HEXB: variants seen among roughly 807,000 people sequenced by gnomAD.
The protein encoded by HEXB is beta-hexosaminidase subunit beta.
Under a neutral mutation model 71.2 loss-of-function variants are expected in HEXB, and 51 were observed. The ratio of observed to expected loss-of-function variants is 0.72; its 90% CI spans 0.57 to 0.90. The LOEUF is 0.90. HEXB is among the 40% of genes least tolerant of loss of function. The pLI is 0.00. For synonymous variants in HEXB, 266 were observed against 249.3 expected, an observed-to-expected ratio of 1.07 and a Z score of -0.63; for missense variants, 617 against 677.0, an observed-to-expected ratio of 0.91 and a Z score of 0.98.
At chr5:74,716,836 G>C in intron 9 of HEXB, 163 bp downstream of exon 9, 1 of 540,808 alleles carries the variant, frequency 1.8e-6, no homozygotes, top group Non-Finnish European at 3.4e-6. Context: ...TCAGTAACAT[G>C]GTGACTCCAA....
At chr5:74,703,943 T>C (rs1418037286) in intron 5 of HEXB, among the ~76,000 whole-genome samples, 1 of 152,204 alleles carries the variant, frequency 6.6e-6, no homozygotes, top group Non-Finnish European at 1.5e-5. Flanking sequence ...CCTTCCAAAG[T>C]ACTGGGGTTA....
At chr5:74,650,782 T>C (rs112072616) in intron 1 of HEXB, among the ~76,000 whole-genome samples, 26,383 of 151,032 alleles carry the variant, frequency 0.17, 3,244 homozygotes, top group African/African-American at 0.35. Context: ...AAAAATTAGC[T>C]GGGCGTGGTG....
rs762821794 is a variant in HEXB at position 74,697,048 on chromosome 5, G to A, written c.611G>A (p.Gly204Glu). The A allele has an allele frequency of 2.5e-6, 4 of 1,586,448 alleles. No homozygotes were observed. The highest frequency in any genetic ancestry group is 1.1e-5 in the South Asian group (1 of 90,638). ...GATTCTCCAAGGTTTTCTCACAGAG[G>A]AATTTTGATTGATACATCCAGACAT... ...IIDSPRFSHR[G>E]ILIDTSRHYL... Residue 204 changes from glycine to glutamate, a missense_variant, in exon 5 of 14, where the codon GGA becomes GAA. Transcript: ENST00000261416.
intron 3 of HEXB, among the ~76,000 whole-genome samples, chr5:74,694,534 C>T (rs1048777716): frequency 1.3e-5 from 2 of 152,122 alleles, no homozygotes; most frequent in Admixed American, 6.5e-5. Flanking sequence ...CAAAGTTTGA[C>T]CTCAGGACAT....
chr5:74,645,561 C>T (rs1747987997), intron 1 of HEXB, among the ~76,000 whole-genome samples: 1 of 152,202 alleles, frequency 6.6e-6, no homozygotes, highest in African/African-American at 2.4e-5. Context: ...ATTCATTCTT[C>T]CTTTGAGACT....
At chr5:74,713,226 G>A (rs1469302908) in intron 6 of HEXB, among the ~76,000 whole-genome samples, 1 of 152,164 alleles carries the variant, frequency 6.6e-6, no homozygotes, top group Non-Finnish European at 1.5e-5. Flanking sequence ...AGAATTTATT[G>A]CTAAAATATG....
At chr5:74,695,691 A>G (rs1749097217) in intron 3 of HEXB, among the ~76,000 whole-genome samples, 1 of 151,374 alleles carries the variant, frequency 6.6e-6, no homozygotes, top group South Asian at 2.1e-4. Context: ...AAATACAAAA[A>G]TTAGCCGGGC....
rs1749816094 is a variant in HEXB, at chr5:74,720,736, C to A, written c.1602C>A (p.Cys534Ter). 1 of 1,612,970 alleles carries A rather than the reference C, an allele frequency of 6.2e-7. No individual in the cohort carries two copies. Among genetic ancestry groups the A allele is most frequent in the Middle Eastern group, 1.7e-4 (1 of 6,058 alleles). Residue 534 changes from cysteine (C) to a stop codon, truncating the protein, a stop_gained, in exon 13 of 14, where the codon TGC (cysteine) becomes TGA (stop). Transcript: ENST00000261416. LOFTEE classifies it low-confidence loss of function (END_TRUNC). ...DAYDRLTRHR[C>*]RMVERGIAAQ... The stretch of plus-strand genomic sequence containing the variant: ...ATGACAGACTGACAAGGCACCGCTG[C>A]AGGATGGTCGAGTAAGAAATCTATT...
chr5:74,686,332 G>A (rs1413853654), intron 1 of HEXB, among the ~76,000 whole-genome samples: 3 of 152,108 alleles, frequency 2.0e-5, no homozygotes, highest in South Asian at 2.1e-4. Flanking sequence ...GTTTGAAGAC[G>A]CCACACACTG....
chr5:74,715,310 T>C (rs978869627), intron 7 of HEXB, among the ~76,000 whole-genome samples, 200 bp from the exon 8 acceptor site: 22 of 152,174 alleles, frequency 1.4e-4, no homozygotes, highest in Middle Eastern at 3.4e-3. Context: ...TCAGATATAA[T>C]GGGAAACAAA....
chr5:74,668,260 T>TG (rs1748471694), intron 1 of HEXB, among the ~76,000 whole-genome samples: 1 of 141,332 alleles, frequency 7.1e-6, no homozygotes, highest in East Asian at 2.0e-4. Flanking sequence ...GTGTGTGTGT[T>TG]TCTCAGCACC....
chr5:74,660,878 C>T (rs1748305264), intron 1 of HEXB, among the ~76,000 whole-genome samples: 1 of 152,088 alleles, frequency 6.6e-6, no homozygotes, highest in Admixed American at 6.6e-5. Context: ...CAACTACAGA[C>T]AAGTAAGAAA....
Position 74,652,894 on chromosome 5 carries a change from T to C in HEXB, c.-377+12336T>C, listed in dbSNP as rs1748147063. Among the ~76,000 whole-genome samples, 2 of 152,212 alleles carry C rather than the reference T, an allele frequency of 1.3e-5. No individual in the cohort carries two copies. The highest frequency in any genetic ancestry group is 1.9e-4 in the East Asian group (1 of 5,196). The stretch of plus-strand genomic sequence containing the variant: ...CTTGGGCGACTACACACATCTACGC[T>C]AGTGACACATATCCCTTTATATACC... On this transcript the variant is annotated intron_variant, in intron 1 of 13. Transcript: ENST00000511181. This position sits in a 1 kb window ranked among gnomAD's most constrained non-coding sequence, Gnocchi z 5.4.
At chr5:74,693,080 G>C (rs573428338) in intron 2 of HEXB, among the ~76,000 whole-genome samples, 1 of 152,324 alleles carries the variant, frequency 6.6e-6, no homozygotes, top group East Asian at 1.9e-4. Flanking sequence ...TCTTAAGGCA[G>C]ATTTGGATGA....
At chr5:74,651,496 G>A (rs950229303) in intron 1 of HEXB, among the ~76,000 whole-genome samples, 3 of 152,056 alleles carry the variant, frequency 2.0e-5, no homozygotes, top group Non-Finnish European at 4.4e-5. Flanking sequence ...TTTTCACCTT[G>A]GACTAACCCC....
intron 5 of HEXB, among the ~76,000 whole-genome samples, chr5:74,700,462 A>AT (rs914387851): frequency 2.6e-5 from 4 of 151,718 alleles, no homozygotes; most frequent in Non-Finnish European, 5.9e-5. Flanking sequence ...ATTAATTTAA[A>AT]TTTTTTATAT....
At chr5:74,656,480 AAAAATAAAATAAAATAAAAT>A (rs369978790) in intron 1 of HEXB, among the ~76,000 whole-genome samples, 28 of 145,694 alleles carry the variant, frequency 1.9e-4, no homozygotes, top group East Asian at 4.1e-4. Context: ...CTCTGTCTCA[AAAAATAAAATAAAATAAAAT>A]AAAATAAAAT....
rs112218826 is a variant in HEXB at position 74,643,000 on chromosome 5, G to A, written c.-377+2442G>A. ...CGTATACATTCGCTTCATCTGCCTCGGGGAGATAAGCAATACAAGAGAAAA... is the reference window on the plus strand; with the variant it reads ...CGTATACATTCGCTTCATCTGCCTCAGGGAGATAAGCAATACAAGAGAAAA... On this transcript the variant is annotated intron_variant, in intron 1 of 13. Transcript: ENST00000511181. 3.5e-3 allele frequency among the ~76,000 whole-genome samples: 533 copies of A among 152,218 alleles called. 4 individuals are homozygous for A. Among genetic ancestry groups the A allele is most frequent in the African/African-American group, 0.012 (499 of 41,514 alleles).
chr5:74,652,791 C>T lies in HEXB; in HGVS notation c.-377+12233C>T, dbSNP rs140837944. On this transcript the variant is annotated intron_variant, in intron 1 of 13. Coordinates refer to the HEXB transcript ENST00000511181. This position sits in a 1 kb window ranked among gnomAD's most constrained non-coding sequence, Gnocchi z 5.4. ...GATAACCATCACCCTCTCTGAGCTC[C>T]AATAAGGTGGCTACTCAGTCTTGTC... is the stretch of plus-strand genomic sequence containing the variant. 5.3e-3 allele frequency among the ~76,000 whole-genome samples: 804 copies of T among 152,236 alleles called. 6 individuals are homozygous for T. Among genetic ancestry groups the T allele is most frequent in the African/African-American group, 0.019 (771 of 41,536 alleles).
Sources: allele counts gnomAD v4.1 joint callset (sites outside exome capture counted in the v4.1 genomes callset), GRCh38; gene constraint gnomAD v4.1.1; non-coding constraint Gnocchi (gnomAD v3.1); transcripts MANE v1.5; gene names NCBI Gene and HGNC (gene_info 2026-07-23, HGNC 2026-07-21).